The following ALKBH8 variants were observed in gnomAD, a reference collection of about 807,000 sequenced individuals.
ALKBH8 encodes the protein tRNA (carboxymethyluridine(34)-5-O)-methyltransferase ALKBH8.
A neutral mutation model predicts 59.8 loss-of-function variants in ALKBH8; 36 were observed. The ratio of observed to expected loss-of-function variants is 0.60; its 90% CI spans 0.46 to 0.79. ALKBH8 has a LOEUF of 0.79. Among genes scored for constraint, ALKBH8 ranks in the 30% least tolerant of loss-of-function variants. The pLI, the probability that ALKBH8 is intolerant of heterozygous loss-of-function variation, is 0.00. For synonymous variants in ALKBH8, 276 were observed against 273.6 expected, an observed-to-expected ratio of 1.01 and a Z score of -0.09; for missense variants, 768 against 801.0, an observed-to-expected ratio of 0.96 and a Z score of 0.50.
chr11:107,525,239 AGAT>A (rs1863300073), intron 9 of ALKBH8, among the ~76,000 whole-genome samples, 199 bp downstream of exon 9: 1 of 152,194 alleles, frequency 6.6e-6, no homozygotes, highest in African/African-American at 2.4e-5. Flanking sequence ...AAAGATGAGA[AGAT>A]GCAGACCCTT....
In ALKBH8 at chr11:107,505,131, G is replaced by T. The variant is rs866520413; in HGVS notation, c.1522C>A (p.Gln508Lys). The part of the protein sequence containing the change: ...KALIYVWAME[Q>K]EYNKQKSKYL... Reference sequence around the variant, plus strand: ...TTGGACTTCTGCTTATTATATTCTTGTTCCATTGCCCAGACATAAATGAGT... The same window carrying T: ...TTGGACTTCTGCTTATTATATTCTTTTTCCATTGCCCAGACATAAATGAGT... Residue 508 changes from glutamine to lysine, a missense_variant, in exon 12 of 12, where the codon CAA becomes AAA. Gln to Lys is a moderately conservative substitution (Grantham distance 53). Transcript: ENST00000428149. The T allele has an allele frequency of 9.7e-6, 15 of 1,550,900 alleles. No individual in the cohort carries two copies. In the Middle Eastern group the frequency reaches 1.2e-3, roughly 120 times the overall value.
chr11:107,528,586 C>T (rs1863448474), intron 8 of ALKBH8, among the ~76,000 whole-genome samples: 1 of 152,142 alleles, frequency 6.6e-6, no homozygotes, highest in Non-Finnish European at 1.5e-5. Flanking sequence ...GCTAATTCCT[C>T]TTTTGAAGAG....
intron 6 of ALKBH8, among the ~76,000 whole-genome samples, chr11:107,550,080 T>C (rs1384152285): frequency 6.6e-6 from 1 of 152,210 alleles, no homozygotes; most frequent in African/African-American, 2.4e-5. Flanking sequence ...ACTGATTAAC[T>C]AGGACACTTA....
At position 107,565,690 on chromosome 11, in the gene ALKBH8, T is replaced by TA; in HGVS notation, c.-97dup. The TA allele has an allele frequency of 6.5e-7, 1 of 1,534,620 alleles. No individual in the cohort carries two copies. The highest frequency in any genetic ancestry group is 8.7e-7 in the Non-Finnish European group (1 of 1,145,886). On this transcript the variant is annotated 5_prime_UTR_variant, in exon 1 of 12. An upstream open reading frame in the 5' UTR loses its in-frame stop. Transcript: ENST00000428149. ...TCTAGCACCAGAACACCGCAGCGGA[T>TA]ACTTGCACGCCATCTCCCCTGGGCG...
In ALKBH8 at chr11:107,503,055, ATT is replaced by A. The variant is rs1862241926; in HGVS notation, c.*1601_*1602del. On this transcript the variant is annotated 3_prime_UTR_variant, in exon 12 of 12. Coordinates refer to ENST00000428149, the MANE Select transcript of ALKBH8 (RefSeq NM_138775.3). ...CCTATGCTATTTTTCAACATCTTCC[ATT>A]TTCTCTCCCTTCTTGAGTCAATTTT... The A allele has an allele frequency of 6.6e-6, 1 of 151,922 alleles. No homozygotes were observed. The highest frequency in any genetic ancestry group is 2.4e-5 in the African/African-American group (1 of 41,356). 9.4% of individuals were successfully genotyped at this position (151,922 alleles called of 1,614,324 possible).
intron 7 of ALKBH8, among the ~76,000 whole-genome samples, chr11:107,540,571 A>C (rs566732560): frequency 1.3e-3 from 193 of 152,350 alleles, no homozygotes; most frequent in South Asian, 9.5e-3. Flanking sequence ...TGCACATCCA[A>C]TATTATAAAT....
At position 107,510,881 on chromosome 11, in the gene ALKBH8, A is replaced by G; in HGVS notation, c.1437+6T>C. ...AGTTCTTAAGAGAAAGAAAGACCAT[A>G]CTTACTGCTGTTGCAAAATGATGAA... is the stretch of plus-strand genomic sequence containing the variant. On this transcript the variant is annotated splice_donor_region_variant and intron_variant, in intron 11 of 11. Transcript: ENST00000428149. The G allele has an allele frequency of 6.4e-7, 1 of 1,550,976 alleles. No homozygotes were observed. Among genetic ancestry groups the G allele is most frequent in the Non-Finnish European group, 8.7e-7 (1 of 1,146,724 alleles).
rs1864602990 is a variant in ALKBH8 at position 107,553,955 on chromosome 11, G to C, written c.391C>G (p.Gln131Glu). The C allele has an allele frequency of 1.2e-6, 2 of 1,613,812 alleles. No homozygotes were observed. The highest frequency in any genetic ancestry group is 4.5e-5 in the East Asian group (2 of 44,844). ...EKVQWKELRP[Q>E]ALPPGLMVVE... ...ACCATGAGTCCTGGTGGTAAGGCTT[G>C]AGGCCTCAACTCCTTCCACTGCACT... Residue 131 changes from glutamine (Q) to glutamate (E), a missense_variant, in exon 4 of 12, where the codon CAA becomes GAA. Gln to Glu is a conservative substitution (Grantham distance 29, BLOSUM62 2). Coordinates refer to ENST00000428149, the MANE Select transcript of ALKBH8 (RefSeq NM_138775.3).
At chr11:107,528,706 G>C (rs1161037317) in intron 8 of ALKBH8, among the ~76,000 whole-genome samples, 1 of 152,082 alleles carries the variant, frequency 6.6e-6, no homozygotes, top group Non-Finnish European at 1.5e-5. Flanking sequence ...AATCTCAAAT[G>C]TTTAAGAACA....
At chr11:107,556,289 A>T (rs112920147) in intron 3 of ALKBH8, among the ~76,000 whole-genome samples, 1 of 152,022 alleles carries the variant, frequency 6.6e-6, no homozygotes, top group African/African-American at 2.4e-5. Context: ...AAAAAGCAAA[A>T]AAATAAATAA....
chr11:107,518,686 T>C (rs1862974327), intron 10 of ALKBH8, among the ~76,000 whole-genome samples: 1 of 152,252 alleles, frequency 6.6e-6, no homozygotes, highest in African/African-American at 2.4e-5. Context: ...TTTCGGCCCA[T>C]CCCTTCGTTT....
intron 7 of ALKBH8, among the ~76,000 whole-genome samples, chr11:107,536,885 G>C (rs1207850002): frequency 6.6e-6 from 1 of 152,110 alleles, no homozygotes; most frequent in African/African-American, 2.4e-5. Context: ...AATGCAAATA[G>C]GCATAAGAGC....
At chr11:107,549,516 A>G (rs1225987820) in intron 7 of ALKBH8, among the ~76,000 whole-genome samples, 1 of 152,204 alleles carries the variant, frequency 6.6e-6, no homozygotes, top group Non-Finnish European at 1.5e-5. Context: ...TTAACTGCTA[A>G]AAGTTTCGTG....
In ALKBH8 at chr11:107,505,208, C is replaced by A; in HGVS notation, c.1445G>T (p.Arg482Ile). The A allele has an allele frequency of 2.6e-6, 4 of 1,534,180 alleles. No homozygotes were observed. Among genetic ancestry groups the A allele is most frequent in the Non-Finnish European group, 3.5e-6 (4 of 1,139,016 alleles). The change falls in exon 12 of 12, where the codon AGA becomes ATA. Residue 482 changes from arginine (R) to isoleucine (I), a missense_variant. Transcript: ENST00000428149. Reference protein sequence around the residue: ...VIHHFATAERRVAALQEIVRL... With the variant: ...VIHHFATAERIVAALQEIVRL... The stretch of plus-strand genomic sequence containing the variant: ...AACAATTTCTTGGAGAGCTGCCACT[C>A]TACGCTCCTAATGAAAAAAAACAAA...
At chr11:107,539,327 T>TGG (rs1300685414) in intron 7 of ALKBH8, among the ~76,000 whole-genome samples, 3 of 152,106 alleles carry the variant, frequency 2.0e-5, no homozygotes, top group Non-Finnish European at 4.4e-5. Flanking sequence ...TGGCTAGGTG[T>TGG]GGTGGCTCAC....
chr11:107,534,173 T>C lies in ALKBH8; in HGVS notation c.772-1767A>G, dbSNP rs559561923. Reference sequence around the variant, plus strand: ...AAATAAATAAATTCATAATAAATTGTTGGGGGGAAATGGGAAAACCACAGT... The same window carrying C: ...AAATAAATAAATTCATAATAAATTGCTGGGGGGAAATGGGAAAACCACAGT... On this transcript the variant is annotated intron_variant, in intron 7 of 11. Coordinates refer to ENST00000428149, the MANE Select transcript of ALKBH8 (RefSeq NM_138775.3). 1.4e-4 allele frequency among the ~76,000 whole-genome samples: 21 copies of C among 152,176 alleles called. No individual in the cohort carries two copies. The South Asian group carries it at 3.7e-3, about 27-fold the overall frequency.
intron 7 of ALKBH8, among the ~76,000 whole-genome samples, chr11:107,542,949 G>A (rs546723726): frequency 1.3e-5 from 2 of 151,972 alleles, no homozygotes; most frequent in East Asian, 1.9e-4. Flanking sequence ...ATGTTCTAAT[G>A]ACAGTGGGGT....
chr11:107,536,504 T>C (rs1238001240), intron 7 of ALKBH8, among the ~76,000 whole-genome samples: 1 of 152,146 alleles, frequency 6.6e-6, no homozygotes, highest in African/African-American at 2.4e-5. Flanking sequence ...TGATCACTTA[T>C]TGTGATATAA....
chr11:107,550,724 G>A (rs750619790), intron 6 of ALKBH8, among the ~76,000 whole-genome samples: 40 of 152,178 alleles, frequency 2.6e-4, no homozygotes, highest in Non-Finnish European at 5.1e-4. Context: ...AACTCCTGCC[G>A]TTAATAAAAC....
Sources: gnomAD v4.1 joint callset for allele counts (sites outside exome capture counted in the v4.1 genomes callset) on GRCh38, gnomAD v4.1.1 for gene constraint, MANE v1.5 for transcripts, NCBI Gene and HGNC (gene_info 2026-07-23, HGNC 2026-07-21) for gene names.